The following MAP3K8 variants were observed in gnomAD, a reference collection of about 807,000 sequenced individuals.
MAP3K8 encodes Ewing sarcoma transformant.
A neutral mutation model predicts 45.8 loss-of-function variants in MAP3K8; 22 were observed. The observed-to-expected ratio is 0.48, with a 90% CI of 0.34 to 0.69. The LOEUF (loss-of-function observed/expected upper bound fraction) is 0.69. MAP3K8 is among the 30% of genes least tolerant of loss of function. The pLI, the probability that MAP3K8 is intolerant of heterozygous loss-of-function variation, is 0.01. For synonymous variants in MAP3K8, 223 were observed against 214.3 expected (o/e 1.04, Z -0.36); for missense variants, 419 against 585.0 (o/e 0.72, Z 2.93).
chr10:30,460,594 C>A, intron 8 of MAP3K8, 112 bp from the exon 9 acceptor site: 1 of 845,526 alleles, frequency 1.2e-6, no homozygotes, highest in Non-Finnish European at 1.8e-6. Context: ...ATCTTTCACG[C>A]TTAAGACACT....
Position 30,437,392 on chromosome 10 carries a change from C to A in MAP3K8, c.-38C>A. 1.3e-6 allele frequency: 1 copy of A among 765,350 alleles called. No homozygotes were observed. The highest frequency in any genetic ancestry group is 1.6e-6 in the Non-Finnish European group (1 of 628,766). The allele number at this position is 765,350 out of a possible 1,614,324, so 47.4% of individuals were successfully genotyped here. ...TGAGCTTGAACTCTGTTAATCCTCA[C>A]GACCACCTCATGAGGTAGGTGCTGT... is the stretch of plus-strand genomic sequence containing the variant. On this transcript the variant is annotated 5_prime_UTR_variant, in exon 2 of 9. Transcript: ENST00000263056.
intron 1 of MAP3K8, among the ~76,000 whole-genome samples, chr10:30,434,904 C>G (rs1588758651): frequency 6.6e-6 from 1 of 152,192 alleles, no homozygotes; most frequent in Admixed American, 6.5e-5. Flanking sequence ...ATGGCTGGAA[C>G]TAAATTCAAG....
chr10:30,446,425 C>T (rs1376790946), intron 3 of MAP3K8, among the ~76,000 whole-genome samples: 1 of 151,798 alleles, frequency 6.6e-6, no homozygotes, highest in Admixed American at 6.6e-5. Flanking sequence ...ATCCCAGCTA[C>T]TCAGGAGGCT....
In MAP3K8 at chr10:30,451,630, C is replaced by A; in HGVS notation, c.767-8C>A. 2 of 1,542,358 alleles carry A rather than the reference C, an allele frequency of 1.3e-6. No individual in the cohort carries two copies. Among genetic ancestry groups the A allele is most frequent in the Non-Finnish European group, 1.8e-6 (2 of 1,130,052 alleles). On this transcript the variant is annotated splice_region_variant and splice_polypyrimidine_tract_variant and intron_variant, in intron 5 of 8. Coordinates refer to ENST00000263056, the MANE Select transcript of MAP3K8 (RefSeq NM_005204.4). ...ATTTTATCTTAAAAATATTTCCTCT[C>A]ATTTTAGCTAGCAACATTGTTTTCA...
intron 3 of MAP3K8, among the ~76,000 whole-genome samples, chr10:30,447,129 G>A (rs1346871030): frequency 6.6e-6 from 1 of 152,318 alleles, no homozygotes; most frequent in Non-Finnish European, 1.5e-5. Flanking sequence ...TGGGAGGTCA[G>A]GGATCAGCCA....
At chr10:30,443,876 G>C (rs1425329526) in intron 3 of MAP3K8, among the ~76,000 whole-genome samples, 6 of 152,204 alleles carry the variant, frequency 3.9e-5, no homozygotes, top group African/African-American at 9.6e-5. Context: ...GCAGAGATAA[G>C]CAGCATAGAG....
In MAP3K8 at chr10:30,450,563, G is replaced by A. The variant is rs1053158204; in HGVS notation, c.766+44G>A. On this transcript the variant is annotated intron_variant, in intron 5 of 8. Transcript: ENST00000263056. ...ATACCTTTTTGGCTCAAAGAGACTA[G>A]TTATTCAGGAGACAAACAAGCTCCT... The A allele has an allele frequency of 1.9e-6, 3 of 1,587,320 alleles. No homozygotes were observed. The African/African-American group carries it at 4.0e-5, about 21-fold the overall frequency.
chr10:30,434,551 C>G, intron 1 of MAP3K8, 173 bp downstream of exon 1: 1 of 985,752 alleles, frequency 1.0e-6, no homozygotes, highest in South Asian at 4.7e-5. Context: ...CTGCACCAGG[C>G]ACAGCTGGAA....
Position 30,451,768 on chromosome 10 carries a change from G to A in MAP3K8, c.873+24G>A, listed in dbSNP as rs552197626. On this transcript the variant is annotated intron_variant, in intron 6 of 8. Transcript: ENST00000263056. ...AGGTAATTATGTTCACATGAAAAGG[G>A]TTACTATTTTATTAAGAATAAAAAG... 41 of 1,280,122 alleles carry A rather than the reference G, an allele frequency of 3.2e-5. 1 individual carries two copies. The South Asian group carries it at 5.2e-4, about 16-fold the overall frequency. The allele number at this position is 1,280,122 out of a possible 1,614,324, so 79.3% of individuals were successfully genotyped here. A position where few individuals can be genotyped will look rare whatever the true frequency, so the allele number is the denominator to read the frequency against.
intron 5 of MAP3K8, 47 bp from the exon 6 acceptor site, chr10:30,451,590 AT>A (rs1836541028): frequency 1.0e-6 from 1 of 992,540 alleles, no homozygotes; most frequent in African/African-American, 1.6e-5. Context: ...CATTTGACTT[AT>A]GGGTATATAA....
In MAP3K8 at chr10:30,460,409, C is replaced by T. The variant is rs532806506; in HGVS notation, c.1274-297C>T. Among the ~76,000 whole-genome samples, 9 of 152,164 alleles carry T rather than the reference C, an allele frequency of 5.9e-5. No homozygotes were observed. The East Asian group carries it at 7.7e-4, about 13-fold the overall frequency. ...CCAAACCGAGATGTCAAGCCTGGTG[C>T]GCTTGTTTATATTTCTTTGCTGCTT... On this transcript the variant is annotated intron_variant, in intron 8 of 8. Transcript: ENST00000263056.
At chr10:30,446,785 A>G (rs959495818) in intron 3 of MAP3K8, among the ~76,000 whole-genome samples, 1 of 152,138 alleles carries the variant, frequency 6.6e-6, no homozygotes, top group Admixed American at 6.5e-5. Context: ...TATATTTTAT[A>G]TATAGTCAAA....
At position 30,434,743 on chromosome 10, in the gene MAP3K8, G is replaced by C. The variant is rs1302010325; in HGVS notation, c.-255+365G>C. ...GGACGGCCGCACTCTCCCTGCCCGA[G>C]ACCCGGTGAGTGCAGCTCGGAGGCT... On this transcript the variant is annotated intron_variant, in intron 1 of 8. Transcript: ENST00000263056. The C allele has an allele frequency of 3.0e-6, 3 of 985,554 alleles. No homozygotes were observed. The African/African-American group carries it at 5.2e-5, about 17-fold the overall frequency. The allele number at this position is 985,554 out of a possible 1,614,324, so 61.1% of individuals were successfully genotyped here. A position where few individuals can be genotyped will look rare whatever the true frequency, so the allele number is the denominator to read the frequency against.
intron 6 of MAP3K8, among the ~76,000 whole-genome samples, chr10:30,454,692 G>A (rs997715193): frequency 7.9e-5 from 12 of 151,994 alleles, no homozygotes; most frequent in African/African-American, 2.4e-4. Context: ...GAAAATGCTC[G>A]AGCGAGGATT....
At chr10:30,459,140 TTGCAGGGCA>T in intron 7 of MAP3K8, 106 bp from the exon 8 acceptor site, 1 of 1,117,290 alleles carries the variant, frequency 9.0e-7, no homozygotes, top group Non-Finnish European at 1.3e-6. Context: ...ACTGCATTCG[TTGCAGGGCA>T]TGTGGTGGAA....
Position 30,460,780 on chromosome 10 carries a change from G to A in MAP3K8, c.1348G>A (p.Ala450Thr), listed in dbSNP as rs757096437. 3.1e-6 allele frequency: 5 copies of A among 1,613,816 alleles called. No individual in the cohort carries two copies. Among genetic ancestry groups the A allele is most frequent in the Non-Finnish European group, 3.4e-6 (4 of 1,179,952 alleles). The change falls in exon 9 of 9, where the codon GCT becomes ACT. Residue 450 changes from alanine to threonine, a missense_variant. Transcript: ENST00000263056. ...ACGCTCTCTCTACATCGACCTCGGC[G>A]CTCTGGCTGGCTACTTCAATCTTGT... is the stretch of plus-strand genomic sequence containing the variant. The part of the protein sequence containing the change: ...RQRSLYIDLG[A>T]LAGYFNLVRG...
At chr10:30,440,802 AT>A (rs995213954) in intron 3 of MAP3K8, among the ~76,000 whole-genome samples, 8 of 152,068 alleles carry the variant, frequency 5.3e-5, no homozygotes, top group Admixed American at 2.6e-4. Flanking sequence ...TGGGAATTAA[AT>A]TTTTTTTAAA....
chr10:30,444,049 G>A (rs981655097), intron 3 of MAP3K8, among the ~76,000 whole-genome samples: 1 of 151,884 alleles, frequency 6.6e-6, no homozygotes, highest in Non-Finnish European at 1.5e-5. Context: ...AGTCAGCCAG[G>A]TGAGGTGGCA....
intron 3 of MAP3K8, among the ~76,000 whole-genome samples, chr10:30,443,387 C>G (rs948563499): frequency 6.6e-6 from 1 of 152,186 alleles, no homozygotes; most frequent in East Asian, 1.9e-4. Context: ...TTGTTACACC[C>G]CTTCCTTATG....
Sources: allele counts gnomAD v4.1 joint callset (sites outside exome capture counted in the v4.1 genomes callset), GRCh38; gene constraint gnomAD v4.1.1; transcripts MANE v1.5; gene names NCBI Gene and HGNC (gene_info 2026-07-23, HGNC 2026-07-21).